Variants in GCC2 observed in about 807,000 individuals in gnomAD.
GCC2 encodes GRIP and coiled-coil domain containing 2.
In GCC2, 120 loss-of-function variants were observed where a neutral mutation model predicts 210.6. The observed-to-expected ratio is 0.57, with a 90% CI of 0.49 to 0.66. The LOEUF is 0.66. Ranked by LOEUF, GCC2 falls within the 30% of genes least tolerant of loss-of-function variation. The pLI is 0.00. For missense variants in GCC2, 1,868 were observed against 1,871.9 expected (o/e 1.00, Z 0.04); for synonymous variants, 703 against 652.7 (o/e 1.08, Z -1.17).
chr2:108,461,903 G>C (rs1285275262), intron 4 of GCC2, among the ~76,000 whole-genome samples: 6 of 136,966 alleles, frequency 4.4e-5, no homozygotes, highest in Non-Finnish European at 9.2e-5. Flanking sequence ...GCCTATCTCG[G>C]CTCACTGCAA....
Position 108,482,342 on chromosome 2 carries a change from A to G in GCC2, c.3236A>G (p.Gln1079Arg), listed in dbSNP as rs1681903789. The G allele has an allele frequency of 6.3e-7, 1 of 1,582,482 alleles. No homozygotes were observed. The highest frequency in any genetic ancestry group is 8.7e-7 in the Non-Finnish European group (1 of 1,152,088). Residue 1079 changes from glutamine (Q) to arginine (R), a missense_variant, in exon 11 of 23, where the codon CAG becomes CGG. Coordinates refer to ENST00000309863, the MANE Select transcript of GCC2 (RefSeq NM_181453.4). ...CTCCTGGCTCGTATTGAGACATTAC[A>G]GTCTAATGCCAAATTATTAGAAGTA... Reference protein sequence around the residue: ...EDLLARIETLQSNAKLLEVQI... With the variant: ...EDLLARIETLRSNAKLLEVQI...
At position 108,469,676 on chromosome 2, in the gene GCC2, C is replaced by G; in HGVS notation, c.347C>G (p.Ala116Gly). 1 of 1,598,214 alleles carries G rather than the reference C, an allele frequency of 6.3e-7. No individual in the cohort carries two copies. The highest frequency in any genetic ancestry group is 8.5e-7 in the Non-Finnish European group (1 of 1,174,442). The change falls in exon 6 of 23, where the codon GCA becomes GGA. Residue 116 changes from alanine (A) to glycine (G), a missense_variant. Physicochemically the swap from Ala to Gly is moderately conservative, Grantham distance 60. Coordinates refer to ENST00000309863, the MANE Select transcript of GCC2 (RefSeq NM_181453.4). ...GATTCTGTAACAAAGATGGGAGATG[C>G]ACATAAGGAGTTGGAACAATCACAT... ...VEDSVTKMGD[A>G]HKELEQSHIN...
intron 7 of GCC2, 75 bp downstream of exon 7, chr2:108,472,974 A>C: frequency 1.2e-6 from 1 of 818,746 alleles, no homozygotes; most frequent in African/African-American, 1.8e-5. Flanking sequence ...ATTGGGAAAT[A>C]TAGTAGCCAA....
At chr2:108,465,057 T>C (rs1305628199) in intron 4 of GCC2, among the ~76,000 whole-genome samples, 1 of 152,144 alleles carries the variant, frequency 6.6e-6, no homozygotes, top group Non-Finnish European at 1.5e-5. Context: ...GCCCAAGCCA[T>C]TCGTGAGGAA....
chr2:108,451,133 A>G, intron 3 of GCC2, 21 bp downstream of exon 3: 1 of 1,359,412 alleles, frequency 7.4e-7, no homozygotes, highest in South Asian at 1.2e-5. Context: ...GAAAATACTC[A>G]TCTTGATCAC....
At chr2:108,490,074 T>A in intron 18 of GCC2, 60 bp downstream of exon 18, 1 of 1,134,400 alleles carries the variant, frequency 8.8e-7, no homozygotes, top group Non-Finnish European at 1.2e-6. Context: ...TTGTTGAAAC[T>A]TCTAATATGT....
rs1325657570 is a variant in GCC2 at position 108,489,982 on chromosome 2, A to G, written c.4197A>G (p.Glu1399=). The G allele has an allele frequency of 1.9e-6, 3 of 1,607,994 alleles. No homozygotes were observed. The East Asian group carries it at 6.8e-5, about 36-fold the overall frequency. Residue 1399 remains glutamate, a synonymous_variant, in exon 18 of 23, where the codon GAA becomes GAG. Transcript: ENST00000309863. ...AAAGGCACAACAAGATGCTGCAGGA[A>G]ACTGTGTCCAAAGAGGCGGAACTCC... ...LLERHNKMLQ[E]TVSKEAELRE...
At chr2:108,481,431 A>G (rs1410081231) in intron 9 of GCC2, among the ~76,000 whole-genome samples, 6 of 152,224 alleles carry the variant, frequency 3.9e-5, no homozygotes, top group African/African-American at 1.4e-4. Context: ...TTTGTTAATG[A>G]GTAGAATATT....
chr2:108,491,704 C>T (rs567362598), intron 18 of GCC2, among the ~76,000 whole-genome samples: 10 of 152,038 alleles, frequency 6.6e-5, no homozygotes, highest in African/African-American at 2.4e-4. Flanking sequence ...TTTTCTCTGA[C>T]GGCTTTTGTA....
intron 9 of GCC2, among the ~76,000 whole-genome samples, chr2:108,477,546 G>T (rs1681606268): frequency 3.9e-5 from 6 of 152,086 alleles, no homozygotes; most frequent in African/African-American, 1.4e-4. Flanking sequence ...CACCAACTAA[G>T]CTATACCATC....
At chr2:108,481,872 A>ATACTT in intron 10 of GCC2, 56 bp downstream of exon 10, 4 of 1,289,750 alleles carry the variant, frequency 3.1e-6, no homozygotes, top group Non-Finnish European at 4.3e-6. Flanking sequence ...TTTAATCTCA[A>ATACTT]TACTTTTTGC....
chr2:108,471,878 T>C lies in GCC2; in HGVS notation c.2549T>C (p.Ile850Thr), dbSNP rs1681246129. ...CTCTTAAGGAAAGAGTTAGAAGAAA[T>C]ACAGTCAGAAAAAGAGGCCCTGCAG... ...KVLLRKELEE[I>T]QSEKEALQSD... The change falls in exon 6 of 23, where the codon ATA (isoleucine) becomes ACA (threonine). Residue 850 changes from isoleucine (I) to threonine (T), a missense_variant. Physicochemically the swap from Ile to Thr is moderately conservative, Grantham distance 89. Transcript: ENST00000309863. 6.2e-7 allele frequency: 1 copy of C among 1,609,642 alleles called. No homozygotes were observed. Among genetic ancestry groups the C allele is most frequent in the Non-Finnish European group, 8.5e-7 (1 of 1,178,690 alleles).
In GCC2 at chr2:108,471,039, A is replaced by G; in HGVS notation, c.1710A>G (p.Val570=). 1.2e-6 allele frequency: 2 copies of G among 1,603,272 alleles called. No homozygotes were observed. Among genetic ancestry groups the G allele is most frequent in the Non-Finnish European group, 1.7e-6 (2 of 1,171,222 alleles). The change falls in exon 6 of 23, where the codon GTA becomes GTG. Residue 570 remains valine, a synonymous_variant. Transcript: ENST00000309863. ...TIKNLQEKNG[V]YLLSLSQRDT... is the part of the protein sequence containing the mutation. ...AGAACCTTCAAGAAAAGAATGGAGTATACTTACTTAGTCTCAGTCAAAGAG... is the reference window on the plus strand; with the variant it reads ...AGAACCTTCAAGAAAAGAATGGAGTGTACTTACTTAGTCTCAGTCAAAGAG...
chr2:108,471,439 T>G lies in GCC2; in HGVS notation c.2110T>G (p.Leu704Val). 1 of 1,609,278 alleles carries G rather than the reference T, an allele frequency of 6.2e-7. No individual in the cohort carries two copies. The highest frequency in any genetic ancestry group is 8.5e-7 in the Non-Finnish European group (1 of 1,178,632). ...NNKLSSEKKQ[L>V]SRDLEVFLSQ... is the part of the protein sequence containing the mutation. ...TAAACTCAGTTCAGAAAAAAAACAG[T>G]TGAGTAGGGATTTGGAGGTTTTTTT... is the stretch of plus-strand genomic sequence containing the variant. The change falls in exon 6 of 23, where the codon TTG becomes GTG. Residue 704 changes from leucine (L) to valine (V), a missense_variant. By Grantham distance (32) the Leu-to-Val change is conservative. Around this residue, in one of 3 missense-constraint regions of GCC2, gnomAD observed 1,847 missense variants for 1,765.2 expected, o/e 1.05. Transcript: ENST00000309863.
chr2:108,490,631 A>G (rs1040890057), intron 18 of GCC2, among the ~76,000 whole-genome samples: 5 of 152,304 alleles, frequency 3.3e-5, no homozygotes, highest in African/African-American at 1.2e-4. Flanking sequence ...ACCTAATCTT[A>G]TGCTAATCTG....
rs767241149 is a variant in GCC2, at chr2:108,475,544, A to C, written c.2870A>C (p.Glu957Ala). The C allele has an allele frequency of 1.6e-5, 23 of 1,434,752 alleles. No homozygotes were observed. Among genetic ancestry groups the C allele is most frequent in the Non-Finnish European group, 2.0e-5 (21 of 1,060,360 alleles). 88.9% of individuals were successfully genotyped at this position (1,434,752 alleles called of 1,614,324 possible). Residue 957 changes from glutamate to alanine, a missense_variant, in exon 8 of 23, where the codon GAA (glutamate) becomes GCA (alanine). Transcript: ENST00000309863. ...TATTTTCTATTTTTAGAAAATCTGG[A>C]AAAAGAATGCAAAGAAAAGGAGGAG... ...KELEEKIENL[E>A]KECKEKEEKI... is the part of the protein sequence containing the mutation.
intron 7 of GCC2, chr2:108,474,918 A>T (rs1038090097): frequency 2.0e-5 from 3 of 152,204 alleles, no homozygotes; most frequent in Admixed American, 6.5e-5. Context: ...TTTGCTCCGC[A>T]CACAGACACT....
intron 20 of GCC2, 176 bp from the exon 21 acceptor site, chr2:108,496,794 G>T: frequency 1.2e-6 from 1 of 864,842 alleles, no homozygotes; most frequent in Non-Finnish European, 1.7e-6. Flanking sequence ...TGTTTTATTT[G>T]TGTCACCTAC....
rs769206694 is a variant in GCC2, at chr2:108,507,568, G to T, written c.4993G>T (p.Glu1665Ter). The change falls in exon 23 of 23, where the codon GAA becomes TAA. Residue 1665 changes from glutamate (E) to a stop codon, truncating the protein, a stop_gained. Coordinates refer to ENST00000309863, the MANE Select transcript of GCC2 (RefSeq NM_181453.4). LOFTEE classifies it high-confidence loss of function. The stretch of plus-strand genomic sequence containing the variant: ...TGTTTTACTTTCCAAAGGTGAGGAA[G>T]AAAATGCTTCCCGTTCTTCTGGATG... ...KLAAVAQGEE[E>*]NASRSSGWAS... 9 of 1,593,056 alleles carry T rather than the reference G, an allele frequency of 5.6e-6. No individual in the cohort carries two copies. Among genetic ancestry groups the T allele is most frequent in the South Asian group, 1.1e-5 (1 of 89,400 alleles).
Sources: gnomAD v4.1 joint callset for allele counts (sites outside exome capture counted in the v4.1 genomes callset) on GRCh38, gnomAD v4.1.1 for gene constraint, gnomAD v4.1.1 regional missense constraint, MANE v1.5 for transcripts, NCBI Gene and HGNC (gene_info 2026-07-23, HGNC 2026-07-21) for gene names.